NKAIN2: variants seen among roughly 807,000 people sequenced by gnomAD.
The protein encoded by NKAIN2 is sodium/potassium transporting ATPase interacting 2, also known as sodium/potassium-transporting ATPase subunit beta-1-interacting protein 2.
Under a neutral mutation model 32.6 loss-of-function variants are expected in NKAIN2, and 14 were observed. That is an observed-to-expected ratio of 0.43 (90% CI 0.28 to 0.67). The LOEUF is 0.67. NKAIN2 is among the 30% of genes least tolerant of loss of function. The pLI, the probability that NKAIN2 is intolerant of heterozygous loss-of-function variation, is 0.17. For missense variants in NKAIN2, 198 were observed against 258.3 expected, an observed-to-expected ratio of 0.77 and a Z score of 1.60; for synonymous variants, 80 against 87.2, an observed-to-expected ratio of 0.92 and a Z score of 0.46.
intron 1 of NKAIN2, among the ~76,000 whole-genome samples, chr6:123,854,173 C>T (rs1050641813): frequency 3.9e-5 from 6 of 152,150 alleles, no homozygotes; most frequent in African/African-American, 1.4e-4. Flanking sequence ...ATATGGGAAT[C>T]GGTGCTTTCA....
Position 124,823,892 on chromosome 6 carries a change from G to C in NKAIN2, c.*663G>C, listed in dbSNP as rs1017699700. The C allele has an allele frequency of 1.3e-5, 2 of 152,234 alleles. No individual in the cohort carries two copies. Among genetic ancestry groups the C allele is most frequent in the Non-Finnish European group, 2.9e-5 (2 of 68,132 alleles). The allele number at this position is 152,234 out of a possible 1,614,324, so 9.4% of individuals were successfully genotyped here. On this transcript the variant is annotated 3_prime_UTR_variant, in exon 7 of 7. Coordinates refer to ENST00000368417, the MANE Select transcript of NKAIN2 (RefSeq NM_001040214.3). ...ATTAATTCTAAATGAGTTCAAGCCT[G>C]TGTGTTTCATGTCAAGGAACAAGAC... is the stretch of plus-strand genomic sequence containing the variant.
rs140559761 is a variant in NKAIN2, at chr6:124,483,514, T to C, written c.273+128167T>C. On this transcript the variant is annotated intron_variant, in intron 3 of 6. Transcript: ENST00000368417. ...AATGAAGGTAAAAATATTTCAAGTTTTGACTTTTTAGTTTAAACCTAGAAA... is the reference window on the plus strand; with the variant it reads ...AATGAAGGTAAAAATATTTCAAGTTCTGACTTTTTAGTTTAAACCTAGAAA... Among the ~76,000 whole-genome samples the C allele has an allele frequency of 4.9e-3, 741 of 152,282 alleles. 3 individuals are homozygous for C. Among genetic ancestry groups the C allele is most frequent in the African/African-American group, 0.017 (705 of 41,564 alleles).
intron 1 of NKAIN2, among the ~76,000 whole-genome samples, chr6:123,913,484 G>A (rs999223887): frequency 1.3e-5 from 2 of 152,086 alleles, no homozygotes; most frequent in African/African-American, 4.8e-5. Context: ...GTGCTTTATA[G>A]TATTTAGAAA....
chr6:124,755,944 C>T (rs755547917), intron 4 of NKAIN2, among the ~76,000 whole-genome samples: 10 of 151,988 alleles, frequency 6.6e-5, no homozygotes, highest in Non-Finnish European at 1.5e-4. Flanking sequence ...CTTTTAAATG[C>T]ACTCTGGCTA....
intron 1 of NKAIN2, among the ~76,000 whole-genome samples, chr6:124,178,334 G>T (rs1196046958): frequency 6.9e-6 from 1 of 145,860 alleles, no homozygotes; most frequent in East Asian, 2.0e-4. Flanking sequence ...GTCTCGCTCT[G>T]TTGCCCAGGC....
intron 3 of NKAIN2, among the ~76,000 whole-genome samples, chr6:124,559,517 G>C (rs1302413629): frequency 6.6e-6 from 1 of 152,180 alleles, no homozygotes; most frequent in Non-Finnish European, 1.5e-5. Flanking sequence ...CCTGAGGACT[G>C]CTTCTATATA....
intron 1 of NKAIN2, among the ~76,000 whole-genome samples, chr6:124,097,720 T>C (rs977090904): frequency 1.3e-5 from 2 of 152,200 alleles, no homozygotes; most frequent in Non-Finnish European, 1.5e-5. Context: ...CCTGGGAATG[T>C]TGACGCATAA....
chr6:124,575,053 T>C (rs1365653371), intron 3 of NKAIN2, among the ~76,000 whole-genome samples: 2 of 152,198 alleles, frequency 1.3e-5, no homozygotes, highest in African/African-American at 4.8e-5. Context: ...TGCCAAAATA[T>C]TTCTGTGTTT....
intron 1 of NKAIN2, among the ~76,000 whole-genome samples, chr6:124,231,357 C>T (rs1792452704): frequency 6.6e-6 from 1 of 152,152 alleles, no homozygotes; most frequent in Non-Finnish European, 1.5e-5. Context: ...AGACTGTCAA[C>T]TTTTGAGCTA....
chr6:124,401,385 C>A (rs771482682), intron 3 of NKAIN2, among the ~76,000 whole-genome samples: 17 of 152,274 alleles, frequency 1.1e-4, no homozygotes, highest in Middle Eastern at 3.4e-3. Flanking sequence ...ATCCAGCCTG[C>A]CACTGATATT....
intron 3 of NKAIN2, among the ~76,000 whole-genome samples, chr6:124,481,669 T>C (rs1443271409): frequency 6.6e-6 from 1 of 152,148 alleles, no homozygotes; most frequent in African/African-American, 2.4e-5. Context: ...TTTTACCAGG[T>C]TTTTGTATTA....
intron 1 of NKAIN2, among the ~76,000 whole-genome samples, chr6:124,244,140 G>T (rs1357105874): frequency 6.0e-5 from 9 of 150,272 alleles, no homozygotes; most frequent in African/African-American, 2.0e-4. Flanking sequence ...TGCACATTGT[G>T]CAGGTTAGTT....
chr6:123,954,592 T>A (rs1777479665), intron 1 of NKAIN2, among the ~76,000 whole-genome samples: 1 of 152,186 alleles, frequency 6.6e-6, no homozygotes, highest in South Asian at 2.1e-4. Context: ...CTATTTTGGT[T>A]TTTCTTTGTG....
intron 1 of NKAIN2, among the ~76,000 whole-genome samples, chr6:124,239,981 A>C (rs554329146): frequency 6.6e-6 from 1 of 152,304 alleles, no homozygotes; most frequent in South Asian, 2.1e-4. Flanking sequence ...GGATTGAAAA[A>C]ATAGATAGAC....
intron 1 of NKAIN2, chr6:123,823,261 G>T (rs1463909026): frequency 6.6e-6 from 1 of 152,152 alleles, no homozygotes; most frequent in Non-Finnish European, 1.5e-5. Context: ...TGGAGACAAA[G>T]AATTGGAAAC....
At chr6:124,478,848 T>C (rs1777335864) in intron 3 of NKAIN2, among the ~76,000 whole-genome samples, 1 of 152,130 alleles carries the variant, frequency 6.6e-6, no homozygotes, top group South Asian at 2.1e-4. Context: ...TAGTACAGTA[T>C]GGAAGTGAGG....
chr6:124,046,660 A>C (rs1274819826), intron 1 of NKAIN2, among the ~76,000 whole-genome samples: 7 of 151,996 alleles, frequency 4.6e-5, no homozygotes, highest in Non-Finnish European at 1.0e-4. Flanking sequence ...CAAGTGTGAC[A>C]CAATGAGAGA....
At chr6:124,815,667 G>A (rs562085370) in intron 5 of NKAIN2, among the ~76,000 whole-genome samples, 19 of 144,172 alleles carry the variant, frequency 1.3e-4, no homozygotes, top group African/African-American at 3.7e-4. Context: ...CAATGTAGAA[G>A]ACAAAAGAGG....
At chr6:124,477,215 A>T (rs1008009453) in intron 3 of NKAIN2, among the ~76,000 whole-genome samples, 3 of 152,192 alleles carry the variant, frequency 2.0e-5, no homozygotes, top group Non-Finnish European at 4.4e-5. Flanking sequence ...GTCTTAGTCC[A>T]CAAACTCAAA....
Sources: gnomAD v4.1 joint callset for allele counts (sites outside exome capture counted in the v4.1 genomes callset) on GRCh38, gnomAD v4.1.1 for gene constraint, MANE v1.5 for transcripts, NCBI Gene and HGNC (gene_info 2026-07-23, HGNC 2026-07-21) for gene names.